The following MRPS15 variants were observed in gnomAD, a reference collection of about 807,000 sequenced individuals.
MRPS15 encodes small ribosomal subunit protein uS15m.
Under a neutral mutation model 30.7 loss-of-function variants are expected in MRPS15, and 25 were observed. That is an observed-to-expected ratio of 0.81 (90% CI 0.59 to 1.14). The LOEUF is 1.14. Among genes scored for constraint, MRPS15 ranks in the 50% most tolerant of loss-of-function variants. The probability of loss-of-function intolerance (pLI) is 0.00; values close to 1 mark genes in which losing one functional copy is unlikely to be tolerated. For synonymous variants in MRPS15, 124 were observed against 120.1 expected, an observed-to-expected ratio of 1.03 and a Z score of -0.21; for missense variants, 313 against 321.7, an observed-to-expected ratio of 0.97 and a Z score of 0.21.
rs774120845 is a variant in MRPS15, at chr1:36,462,129, AGAG to A, written c.207_209del (p.Ser70del). On this transcript the variant is annotated inframe_deletion, in exon 3 of 8. Transcript: ENST00000373116. ...CATTCTGGTAGTCTTTGAGCAGCGT[AGAG>A]GGAGGTGGGTCATCATCCAGCCTAG... 4 of 1,613,498 alleles carry A rather than the reference AGAG, an allele frequency of 2.5e-6. No homozygotes were observed. The highest frequency in any genetic ancestry group is 1.7e-4 in the Middle Eastern group (1 of 6,056).
intron 7 of MRPS15, 25 bp downstream of exon 7, chr1:36,456,162 G>A (rs754492505): frequency 6.3e-7 from 1 of 1,583,680 alleles, no homozygotes. Flanking sequence ...GTGGGGCCAA[G>A]CAAAGCCGCA....
chr1:36,461,176 A>G, intron 4 of MRPS15, 88 bp downstream of exon 4: 1 of 1,222,512 alleles, frequency 8.2e-7, no homozygotes, highest in Non-Finnish European at 1.2e-6. Context: ...TGACTGGAGA[A>G]GCATGAGATG....
At chr1:36,463,426 C>T (rs1374658611) in intron 2 of MRPS15, among the ~76,000 whole-genome samples, 2 of 152,208 alleles carry the variant, frequency 1.3e-5, no homozygotes, top group African/African-American at 4.8e-5. Context: ...TACCTTGCCC[C>T]ATATCATTTA....
intron 3 of MRPS15, among the ~76,000 whole-genome samples, chr1:36,461,558 G>C (rs1411957077): frequency 6.6e-6 from 1 of 152,178 alleles, no homozygotes; most frequent in Non-Finnish European, 1.5e-5. Context: ...GGAGGGCAAG[G>C]AGAGGATTTC....
At position 36,458,306 on chromosome 1, in the gene MRPS15, G is replaced by C; in HGVS notation, c.386-325C>G. On this transcript the variant is annotated intron_variant, in intron 5 of 7. Transcript: ENST00000373116. This position sits in a 1 kb window ranked among gnomAD's most constrained non-coding sequence, Gnocchi z 4.5. ...TGCAGTGGTGCGATCTCGGCTCACC[G>C]CAGCCTCTGCCTCCCAGGTTCAGGT... The C allele has an allele frequency of 4.7e-6, 1 of 211,120 alleles. No homozygotes were observed. Among genetic ancestry groups the C allele is most frequent in the Non-Finnish European group, 9.6e-6 (1 of 104,338 alleles). The allele number at this position is 211,120 out of a possible 1,614,324, so 13.1% of individuals were successfully genotyped here. A position where few individuals can be genotyped will look rare whatever the true frequency, so the allele number is the denominator to read the frequency against.
intron 3 of MRPS15, among the ~76,000 whole-genome samples, chr1:36,461,535 G>A (rs1570570414): frequency 2.0e-5 from 3 of 152,138 alleles, no homozygotes; most frequent in African/African-American, 4.8e-5. Flanking sequence ...CGACTGTTCC[G>A]GTCTCATCAC....
At position 36,461,311 on chromosome 1, in the gene MRPS15, C is replaced by T. The variant is rs753258381; in HGVS notation, c.253G>A (p.Val85Ile). 8.7e-5 allele frequency: 140 copies of T among 1,613,994 alleles called. No homozygotes were observed. Among genetic ancestry groups the T allele is most frequent in the Non-Finnish European group, 1.2e-4 (136 of 1,179,978 alleles). Residue 85 changes from valine to isoleucine, a missense_variant and splice_region_variant, in exon 4 of 8, where the codon GTT becomes ATT. Coordinates refer to ENST00000373116, the MANE Select transcript of MRPS15 (RefSeq NM_031280.4). Reference protein sequence around the residue: ...DYQNVPGIEKVDDVVKRLLSL... With the variant: ...DYQNVPGIEKIDDVVKRLLSL... Reference sequence around the variant, plus strand: ...AAGAGTCTTTTCACGACATCATCAACCCTGTGGATAAACCACAGCAATGAG... The same window carrying T: ...AAGAGTCTTTTCACGACATCATCAATCCTGTGGATAAACCACAGCAATGAG...
chr1:36,463,107 C>A (rs1030398562), intron 2 of MRPS15, among the ~76,000 whole-genome samples: 1 of 152,006 alleles, frequency 6.6e-6, no homozygotes, highest in Non-Finnish European at 1.5e-5. Context: ...GGATTACAGG[C>A]GCGCGCTACC....
intron 3 of MRPS15, 39 bp downstream of exon 3, chr1:36,462,049 G>C: frequency 6.4e-7 from 1 of 1,560,364 alleles, no homozygotes; most frequent in Non-Finnish European, 8.8e-7. Flanking sequence ...AATCCTCCCA[G>C]GGCCCCCTGC....
At chr1:36,464,057 A>T in intron 1 of MRPS15, 89 bp downstream of exon 1, 1 of 1,291,902 alleles carries the variant, frequency 7.7e-7, no homozygotes, top group South Asian at 1.4e-5. Flanking sequence ...TGACCGCTGT[A>T]TATCTCCCCT....
At chr1:36,459,238 A>C (rs1298881065) in intron 5 of MRPS15, 1 of 152,056 alleles carries the variant, frequency 6.6e-6, no homozygotes, top group Non-Finnish European at 1.5e-5. Flanking sequence ...TACCAAAAAC[A>C]CAAAAATTAG....
Position 36,457,927 on chromosome 1 carries a change from C to G in MRPS15, c.440G>C (p.Arg147Pro), listed in dbSNP as rs753276258. ...TGAATGACGTCCAGAGTTTACCTTT[C>G]GATGTTTCTCCAAGTGTTCTTCATA... Reference protein sequence around the residue: ...RSYEEHLEKHRKDKAHKRYLL... With the variant: ...RSYEEHLEKHPKDKAHKRYLL... Residue 147 changes from arginine to proline, a missense_variant, in exon 6 of 8, where the codon CGA (arginine) becomes CCA (proline). Transcript: ENST00000373116. The G allele has an allele frequency of 1.2e-6, 2 of 1,614,114 alleles. No individual in the cohort carries two copies. Among genetic ancestry groups the G allele is most frequent in the Non-Finnish European group, 8.5e-7 (1 of 1,179,970 alleles).
chr1:36,456,531 C>T, intron 6 of MRPS15, 153 bp from the exon 7 acceptor site: 1 of 737,108 alleles, frequency 1.4e-6, no homozygotes, highest in Non-Finnish European at 2.1e-6. Flanking sequence ...ATTGTTATTC[C>T]CATTTTACAG....
In MRPS15 at chr1:36,461,244, GC is replaced by G; in HGVS notation, c.300+19del. ...GAGGAGAAGACTGCGGGAGGCTGAGGCTTGGCAGAGGCTGCTCACCTTGTTG... is the reference window on the plus strand; with the variant it reads ...GAGGAGAAGACTGCGGGAGGCTGAGGTTGGCAGAGGCTGCTCACCTTGTTG... On this transcript the variant is annotated intron_variant, in intron 4 of 7. Transcript: ENST00000373116. The G allele has an allele frequency of 6.2e-7, 1 of 1,613,988 alleles. No homozygotes were observed. The highest frequency in any genetic ancestry group is 1.1e-5 in the South Asian group (1 of 91,078).
Position 36,456,245 on chromosome 1 carries a change from G to C in MRPS15, c.578C>G (p.Pro193Arg). The C allele has an allele frequency of 2.5e-6, 4 of 1,612,126 alleles. No individual in the cohort carries two copies. Among genetic ancestry groups the C allele is most frequent in the Non-Finnish European group, 2.5e-6 (3 of 1,178,270 alleles). ...WGLGIEYTFP[P>R]LYYRRAHRRF... ...GCGGTGGGCTCTTCGGTAATACAGAGGGGGGAAGGTGTACTCAATTCCCAG... is the reference window on the plus strand; with the variant it reads ...GCGGTGGGCTCTTCGGTAATACAGACGGGGGAAGGTGTACTCAATTCCCAG... The change falls in exon 7 of 8, where the codon CCT (proline) becomes CGT (arginine). Residue 193 changes from proline (P) to arginine (R), a missense_variant. Coordinates refer to ENST00000373116, the MANE Select transcript of MRPS15 (RefSeq NM_031280.4).
intron 1 of MRPS15, 125 bp from the exon 2 acceptor site, chr1:36,463,975 T>C: frequency 6.7e-7 from 1 of 1,500,638 alleles, no homozygotes; most frequent in South Asian, 1.3e-5. Flanking sequence ...CGCTGCCCCA[T>C]TTCTTCCCTA....
chr1:36,462,892 GAACT>G (rs1457847718), intron 2 of MRPS15, among the ~76,000 whole-genome samples: 2 of 152,114 alleles, frequency 1.3e-5, no homozygotes, highest in Non-Finnish European at 2.9e-5. Context: ...GGCTGGTCTT[GAACT>G]CCTGGCCTCA....
intron 4 of MRPS15, 63 bp from the exon 5 acceptor site, chr1:36,460,839 T>TC (rs1344720499): frequency 7.3e-7 from 1 of 1,371,578 alleles, no homozygotes; most frequent in Non-Finnish European, 1.0e-6. Flanking sequence ...CTAGCCCTCC[T>TC]CCCCCCAAGG....
rs368783607 is a variant in MRPS15, at chr1:36,456,138, A to C, written c.636+49T>G. 5.1e-6 allele frequency: 8 copies of C among 1,560,786 alleles called. No homozygotes were observed. The African/African-American group carries it at 1.1e-4, about 21-fold the overall frequency. On this transcript the variant is annotated intron_variant, in intron 7 of 7. Coordinates refer to ENST00000373116, the MANE Select transcript of MRPS15 (RefSeq NM_031280.4). ...ATGATCCCTCCCTTCTGCTTCCTCC[A>C]TCCCAGTCCCTGAGTGGGGCCAAGC...
Sources: gnomAD v4.1 joint callset for allele counts (sites outside exome capture counted in the v4.1 genomes callset) on GRCh38, gnomAD v4.1.1 for gene constraint, Gnocchi (gnomAD v3.1) non-coding constraint, MANE v1.5 for transcripts, NCBI Gene and HGNC (gene_info 2026-07-23, HGNC 2026-07-21) for gene names.